The following FSTL5 variants were observed in gnomAD, a reference collection of about 807,000 sequenced individuals.
The protein encoded by FSTL5 is follistatin-related protein 5.
FSTL5 carries 62 observed loss-of-function variants against 89.1 expected under a neutral mutation model. The observed-to-expected ratio is 0.70, with a 90% CI of 0.57 to 0.86. The LOEUF is 0.86. Among genes scored for constraint, FSTL5 ranks in the 40% least tolerant of loss-of-function variants. FSTL5 has a pLI of 0.00. For missense variants in FSTL5, 1,057 were observed against 1,001.6 expected, an observed-to-expected ratio of 1.06 and a Z score of -0.75; for synonymous variants, 383 against 346.2, an observed-to-expected ratio of 1.11 and a Z score of -1.18.
At chr4:161,915,372 G>T (rs1733809782) in intron 4 of FSTL5, among the ~76,000 whole-genome samples, 1 of 146,744 alleles carries the variant, frequency 6.8e-6, no homozygotes, top group African/African-American at 2.5e-5. Flanking sequence ...CCACTCTCTG[G>T]TAACATTTGT....
intron 4 of FSTL5, among the ~76,000 whole-genome samples, chr4:161,916,540 G>T (rs1579191143): frequency 6.6e-6 from 1 of 152,088 alleles, no homozygotes; most frequent in South Asian, 2.1e-4. Flanking sequence ...TTTATGTTAC[G>T]TTGAGCATCA....
intron 3 of FSTL5, among the ~76,000 whole-genome samples, chr4:161,932,359 TTAGA>T (rs1734311395): frequency 6.6e-6 from 1 of 151,876 alleles, no homozygotes; most frequent in Admixed American, 6.6e-5. Context: ...TAGTTTTTTG[TTAGA>T]TACTGTTTAT....
At chr4:161,954,477 A>G (rs1004741080) in intron 3 of FSTL5, among the ~76,000 whole-genome samples, 2 of 150,940 alleles carry the variant, frequency 1.3e-5, no homozygotes, top group South Asian at 4.1e-4. Context: ...ATTTCTCTTC[A>G]TCCCTTCAGA....
At chr4:161,847,765 G>T (rs771078320) in intron 4 of FSTL5, among the ~76,000 whole-genome samples, 2 of 151,822 alleles carry the variant, frequency 1.3e-5, no homozygotes, top group Non-Finnish European at 2.9e-5. Flanking sequence ...TGCCAGGTGC[G>T]GTGGCACACT....
chr4:162,138,885 T>C (rs946768484), intron 1 of FSTL5, among the ~76,000 whole-genome samples: 2 of 152,000 alleles, frequency 1.3e-5, no homozygotes, highest in Non-Finnish European at 2.9e-5. Context: ...AGAATGCCAA[T>C]AAAAAATATG....
chr4:161,892,154 T>C (rs1278653493), intron 4 of FSTL5, among the ~76,000 whole-genome samples: 1 of 152,024 alleles, frequency 6.6e-6, no homozygotes, highest in Non-Finnish European at 1.5e-5. Flanking sequence ...CATTGTGATC[T>C]CATTTCAATA....
At chr4:161,660,168 ACCTTTT>A (rs1736658146) in intron 6 of FSTL5, among the ~76,000 whole-genome samples, 1 of 152,154 alleles carries the variant, frequency 6.6e-6, no homozygotes. Flanking sequence ...GACTATTACT[ACCTTTT>A]TAATTCAGCT....
chr4:161,671,362 T>C (rs954985138), intron 6 of FSTL5, among the ~76,000 whole-genome samples: 4 of 152,198 alleles, frequency 2.6e-5, no homozygotes, highest in Non-Finnish European at 4.4e-5. Context: ...AACACAGCCA[T>C]ACCCGTTTCT....
chr4:161,864,946 T>C (rs994031853), intron 4 of FSTL5, among the ~76,000 whole-genome samples: 4 of 151,664 alleles, frequency 2.6e-5, no homozygotes, highest in African/African-American at 9.7e-5. Flanking sequence ...TTTATAATGT[T>C]AGTGAACTAT....
intron 1 of FSTL5, among the ~76,000 whole-genome samples, chr4:162,135,877 A>G (rs1408980921): frequency 6.6e-6 from 1 of 152,084 alleles, no homozygotes; most frequent in Non-Finnish European, 1.5e-5. Context: ...AGGATGTTCA[A>G]AAATCTCTTT....
intron 12 of FSTL5, among the ~76,000 whole-genome samples, chr4:161,489,020 A>G (rs1729777559): frequency 6.6e-6 from 1 of 152,126 alleles, no homozygotes; most frequent in Admixed American, 6.6e-5. Context: ...AATTTTTTTG[A>G]TGAAAAAAAT....
chr4:161,690,670 A>T (rs1256890832), intron 6 of FSTL5, among the ~76,000 whole-genome samples: 1 of 151,966 alleles, frequency 6.6e-6, no homozygotes. Flanking sequence ...CTTTTATTTT[A>T]AGTTCAGGGG....
rs1416701520 is a variant in FSTL5, at chr4:161,386,207, C to T, written c.2084G>A (p.Gly695Asp). ...GCCATCTGGAGAGACATATGGAGTGCCCGTCACATCACTATTGAACCCAAT... is the reference window on the plus strand; with the variant it reads ...GCCATCTGGAGAGACATATGGAGTGTCCGTCACATCACTATTGAACCCAAT... The part of the protein sequence containing the change: ...SVIGFNSDVT[G>D]TPYVSPDGHY... The change falls in exon 16 of 16, where the codon GGC (glycine) becomes GAC (aspartate). Residue 695 changes from glycine (G) to aspartate (D), a missense_variant. Physicochemically the swap from Gly to Asp is moderately conservative, Grantham distance 94. This residue lies in a region of FSTL5 where 980 missense variants were observed against 903.2 expected (regional missense o/e 1.08). Transcript: ENST00000306100. 6.2e-7 allele frequency: 1 copy of T among 1,613,804 alleles called. No homozygotes were observed. Among genetic ancestry groups the T allele is most frequent in the African/African-American group, 1.3e-5 (1 of 74,862 alleles).
chr4:162,075,022 C>T (rs1368532542), intron 2 of FSTL5, among the ~76,000 whole-genome samples: 1 of 151,630 alleles, frequency 6.6e-6, no homozygotes, highest in African/African-American at 2.4e-5. Context: ...TAACTTATAA[C>T]CACAACCCCA....
At chr4:161,833,982 G>T (rs983349059) in intron 4 of FSTL5, among the ~76,000 whole-genome samples, 1 of 151,966 alleles carries the variant, frequency 6.6e-6, no homozygotes, top group Admixed American at 6.6e-5. Flanking sequence ...AGCCTCGATG[G>T]TCTTTACAAT....
At chr4:161,947,534 A>T (rs983101751) in intron 3 of FSTL5, among the ~76,000 whole-genome samples, 1 of 152,084 alleles carries the variant, frequency 6.6e-6, no homozygotes, top group South Asian at 2.1e-4. Flanking sequence ...CATTGGCCCA[A>T]AGTTATGAAT....
intron 4 of FSTL5, among the ~76,000 whole-genome samples, chr4:161,859,009 C>T (rs1019436309): frequency 1.3e-5 from 2 of 152,178 alleles, no homozygotes; most frequent in African/African-American, 2.4e-5. Context: ...TCTCAGTAGA[C>T]GTCTTATGTG....
At chr4:161,662,884 C>T (rs1271513615) in intron 6 of FSTL5, among the ~76,000 whole-genome samples, 2 of 152,150 alleles carry the variant, frequency 1.3e-5, no homozygotes, top group African/African-American at 4.8e-5. Context: ...ATTGGACTTA[C>T]AGTTCCACAG....
intron 13 of FSTL5, among the ~76,000 whole-genome samples, chr4:161,476,452 G>A (rs541554891): frequency 1.3e-5 from 2 of 151,982 alleles, no homozygotes; most frequent in African/African-American, 2.4e-5. Flanking sequence ...CTCCCAAAGT[G>A]TTAGGATTAC....
Sources: allele counts gnomAD v4.1 joint callset (sites outside exome capture counted in the v4.1 genomes callset), GRCh38; gene constraint gnomAD v4.1.1; regional missense constraint gnomAD v4.1.1; transcripts MANE v1.5; gene names NCBI Gene and HGNC (gene_info 2026-07-23, HGNC 2026-07-21).